DMGDH: variants seen among roughly 807,000 people sequenced by gnomAD.
The protein encoded by DMGDH is dimethylglycine dehydrogenase, also known as dimethylglycine dehydrogenase, mitochondrial.
A neutral mutation model predicts 95.2 loss-of-function variants in DMGDH; 76 were observed. The ratio of observed to expected loss-of-function variants is 0.80; its 90% CI spans 0.66 to 0.97. DMGDH has a LOEUF of 0.97. Ranked by LOEUF, DMGDH falls within the 50% of genes least tolerant of loss-of-function variation. DMGDH has a pLI of 0.00. For missense variants in DMGDH, 987 were observed against 1,055.0 expected, an observed-to-expected ratio of 0.94 and a Z score of 0.89; for synonymous variants, 345 against 377.6, an observed-to-expected ratio of 0.91 and a Z score of 1.00.
intron 4 of DMGDH, among the ~76,000 whole-genome samples, chr5:79,053,262 C>T (rs1199065643): frequency 1.3e-5 from 2 of 152,146 alleles, no homozygotes; most frequent in Non-Finnish European, 2.9e-5. Flanking sequence ...AAGAGATCCT[C>T]TTGCCTCAGC....
intron 12 of DMGDH, among the ~76,000 whole-genome samples, chr5:79,027,960 C>T (rs559585481): frequency 1.3e-5 from 2 of 152,010 alleles, no homozygotes; most frequent in Admixed American, 1.3e-4. Flanking sequence ...CCTGCCTCAG[C>T]CTCCAGAGCA....
At chr5:79,057,346 G>A (rs1208181694) in intron 2 of DMGDH, among the ~76,000 whole-genome samples, 3 of 152,150 alleles carry the variant, frequency 2.0e-5, no homozygotes, top group African/African-American at 7.2e-5. Context: ...AACACAATCT[G>A]TTCACAGTAA....
intron 14 of DMGDH, among the ~76,000 whole-genome samples, chr5:79,022,284 G>A (rs2112613863): frequency 6.6e-6 from 1 of 152,298 alleles, no homozygotes. Flanking sequence ...GCTAGTTTGG[G>A]TAACATTTTG....
intron 6 of DMGDH, among the ~76,000 whole-genome samples, chr5:79,042,768 T>TC (rs67423009): frequency 0.53 from 80,447 of 151,086 alleles, 21,477 homozygotes; most frequent in East Asian, 0.78. Flanking sequence ...ATCCAATCAG[T>TC]TTTTTTTAAA....
chr5:79,022,185 C>A (rs1396838702), intron 14 of DMGDH, among the ~76,000 whole-genome samples: 4 of 152,134 alleles, frequency 2.6e-5, no homozygotes, highest in Non-Finnish European at 4.4e-5. Flanking sequence ...ATATAAATAT[C>A]TCTCTGTATT....
intron 9 of DMGDH, among the ~76,000 whole-genome samples, chr5:79,032,186 G>C (rs1386108030): frequency 2.0e-5 from 3 of 152,076 alleles, no homozygotes; most frequent in African/African-American, 7.3e-5. Context: ...TTATGTTTTC[G>C]CTTAACCTGG....
chr5:79,025,487 T>C (rs1429160891), intron 13 of DMGDH, among the ~76,000 whole-genome samples: 1 of 152,114 alleles, frequency 6.6e-6, no homozygotes, highest in Non-Finnish European at 1.5e-5. Flanking sequence ...TGAAACACAC[T>C]CTCCCCTTCA....
At chr5:79,000,189 C>T (rs920464527) in intron 15 of DMGDH, 1 of 601,126 alleles carries the variant, frequency 1.7e-6, no homozygotes, top group Admixed American at 1.9e-5. Context: ...ATGTTTCTGG[C>T]ACAGTTATGT....
intron 4 of DMGDH, 56 bp downstream of exon 4, chr5:79,054,128 T>A: frequency 6.3e-7 from 1 of 1,592,982 alleles, no homozygotes; most frequent in Non-Finnish European, 8.6e-7. Flanking sequence ...TCTTAATAAC[T>A]TTTTCTAATT....
chr5:79,019,713 C>T (rs1753816450), intron 14 of DMGDH, among the ~76,000 whole-genome samples: 4 of 152,042 alleles, frequency 2.6e-5, no homozygotes, highest in Admixed American at 2.6e-4. Flanking sequence ...GGTGAAACCT[C>T]GTCTCTACTA....
chr5:79,017,230 C>T (rs1580188796), intron 14 of DMGDH, among the ~76,000 whole-genome samples: 1 of 151,902 alleles, frequency 6.6e-6, no homozygotes, highest in African/African-American at 2.4e-5. Context: ...CTTTGAAAGA[C>T]ACCATGAGAC....
intron 14 of DMGDH, chr5:79,021,404 T>C: frequency 8.5e-7 from 1 of 1,181,488 alleles, no homozygotes; most frequent in African/African-American, 1.6e-5. Flanking sequence ...TTAATAAATG[T>C]CTACTAGATG....
chr5:79,069,377 T>A lies in DMGDH; in HGVS notation c.101+143A>T, dbSNP rs57640773. 2,663 of 426,824 alleles carry A rather than the reference T, an allele frequency of 6.2e-3. 41 individuals carry two copies. Among genetic ancestry groups the A allele is most frequent in the African/African-American group, 0.041 (1,997 of 48,992 alleles). The allele number at this position is 426,824 out of a possible 1,614,324, so 26.4% of individuals were successfully genotyped here. The stretch of plus-strand genomic sequence containing the variant: ...AACCTTTGGATACTGTTTCACTTTA[T>A]AATTAAAAGATAATTCGAGAAGATA... On this transcript the variant is annotated intron_variant, in intron 1 of 15. Coordinates refer to ENST00000255189, the MANE Select transcript of DMGDH (RefSeq NM_013391.3).
intron 14 of DMGDH, among the ~76,000 whole-genome samples, chr5:79,022,377 T>C (rs918914834): frequency 6.6e-6 from 1 of 152,190 alleles, no homozygotes; most frequent in African/African-American, 2.4e-5. Context: ...CCGTTTCACA[T>C]TATAGACTGC....
intron 14 of DMGDH, among the ~76,000 whole-genome samples, chr5:79,008,215 A>G (rs1263548612): frequency 1.3e-5 from 2 of 152,228 alleles, no homozygotes; most frequent in African/African-American, 4.8e-5. Context: ...GTGGGGGCCC[A>G]AGGAAGAAAA....
chr5:79,026,546 C>A lies in DMGDH; in HGVS notation c.2068G>T (p.Asp690Tyr), dbSNP rs1421221013. The part of the protein sequence containing the change: ...LGWELYHRRE[D>Y]SVALYDAIMN... ...ATAGCGTCATACAGCGCCACAGAAT[C>A]TTCTCTTCTGTGATACAGCTCCCAA... The change falls in exon 13 of 16, where the codon GAT becomes TAT. Residue 690 changes from aspartate (D) to tyrosine (Y), a missense_variant. Physicochemically the swap from Asp to Tyr is radical, Grantham distance 160 (BLOSUM62 -3). Transcript: ENST00000255189. 6.8e-6 allele frequency: 11 copies of A among 1,614,038 alleles called. No individual in the cohort carries two copies. The highest frequency in any genetic ancestry group is 1.7e-5 in the Admixed American group (1 of 59,998).
intron 2 of DMGDH, among the ~76,000 whole-genome samples, chr5:79,061,059 A>G (rs1381751817): frequency 9.9e-5 from 15 of 151,992 alleles, no homozygotes; most frequent in Admixed American, 9.8e-4. Flanking sequence ...TCATCTCTAC[A>G]AAAAACTTTA....
chr5:79,051,439 A>G lies in DMGDH; in HGVS notation c.593T>C (p.Leu198Pro), dbSNP rs1227340214. 8 of 1,614,212 alleles carry G rather than the reference A, an allele frequency of 5.0e-6. No individual in the cohort carries two copies. Among genetic ancestry groups the G allele is most frequent in the Non-Finnish European group, 6.8e-6 (8 of 1,180,032 alleles). ...PGDGHIDPYSLTMALAAGARK... is the reference protein window; with the variant it reads ...PGDGHIDPYSPTMALAAGARK... ...AGCCCCAGCAGCCAGTGCCATAGTT[A>G]GAGAATAAGGATCAATGTGACCATC... is the stretch of plus-strand genomic sequence containing the variant. The change falls in exon 5 of 16, where the codon CTA (leucine) becomes CCA (proline). Residue 198 changes from leucine to proline, a missense_variant. Physicochemically the swap from Leu to Pro is moderately conservative, Grantham distance 98. Coordinates refer to ENST00000255189, the MANE Select transcript of DMGDH (RefSeq NM_013391.3).
intron 7 of DMGDH, among the ~76,000 whole-genome samples, chr5:79,042,069 T>A (rs1754524473): frequency 6.6e-6 from 1 of 152,216 alleles, no homozygotes; most frequent in South Asian, 2.1e-4. Flanking sequence ...GTTGCCCTTC[T>A]TTAAAACATA....
Sources: allele counts gnomAD v4.1 joint callset (sites outside exome capture counted in the v4.1 genomes callset), GRCh38; gene constraint gnomAD v4.1.1; transcripts MANE v1.5; gene names NCBI Gene and HGNC (gene_info 2026-07-23, HGNC 2026-07-21).